The following ANKUB1 variants were observed in gnomAD, a reference collection of about 807,000 sequenced individuals.
The protein encoded by ANKUB1 is ankyrin repeat and ubiquitin domain containing 1.
In ANKUB1, 42 loss-of-function variants were observed where a neutral mutation model predicts 49.3. The observed-to-expected ratio is 0.85, with a 90% confidence interval of 0.67 to 1.10. The LOEUF (loss-of-function observed/expected upper bound fraction) is 1.10. ANKUB1 is among the 50% of genes least tolerant of loss of function. ANKUB1 has a pLI of 0.00. For missense variants in ANKUB1, 613 were observed against 642.0 expected (o/e 0.95, Z 0.49); for synonymous variants, 222 against 231.0 (o/e 0.96, Z 0.35).
Position 149,790,941 on chromosome 3 carries a change from A to G in ANKUB1, c.91-17T>C, listed in dbSNP as rs1718331418. On this transcript the variant is annotated splice_polypyrimidine_tract_variant and intron_variant, in intron 1 of 5. Transcript: ENST00000446160. Reference sequence around the variant, plus strand: ...GAAATAATCCTTAAAAATCAATAGCATATTATGAAAACAGTACATCCTTAC... The same window carrying G: ...GAAATAATCCTTAAAAATCAATAGCGTATTATGAAAACAGTACATCCTTAC... 9.7e-6 allele frequency: 15 copies of G among 1,549,190 alleles called. No homozygotes were observed. Among genetic ancestry groups the G allele is most frequent in the East Asian group, 2.4e-5 (1 of 40,890 alleles).
rs1717796212 is a variant in ANKUB1, at chr3:149,780,257, C to A, written c.433G>T (p.Asp145Tyr). The A allele has an allele frequency of 6.4e-6, 10 of 1,551,626 alleles. No individual in the cohort carries two copies. The highest frequency in any genetic ancestry group is 8.7e-6 in the Non-Finnish European group (10 of 1,146,972). The change falls in exon 3 of 6, where the codon GAC becomes TAC. Residue 145 changes from aspartate to tyrosine, a missense_variant. Transcript: ENST00000446160. ...LEMYDCNTLK[D>Y]YQTDIGTTLR... ...GCAGTACCAATATCAGTCTGGTAGT[C>A]CTTGAGGGTGTTGCAATCATACATC...
intron 2 of ANKUB1, 112 bp downstream of exon 2, chr3:149,790,669 G>A: frequency 9.2e-7 from 1 of 1,092,004 alleles, no homozygotes; most frequent in Non-Finnish European, 1.3e-6. Context: ...TGAGGAGAAG[G>A]CAAAAAGAGA....
chr3:149,777,993 GC>G, intron 3 of ANKUB1, among the ~76,000 whole-genome samples: 1 of 152,282 alleles, frequency 6.6e-6, no homozygotes, highest in Non-Finnish European at 1.5e-5. Context: ...TGGAAAAGGG[GC>G]CAAGGTTCAA....
At chr3:149,781,315 A>G (rs939577669) in intron 2 of ANKUB1, among the ~76,000 whole-genome samples, 11 of 152,236 alleles carry the variant, frequency 7.2e-5, no homozygotes, top group African/African-American at 2.7e-4. Context: ...ACCAAAACTC[A>G]AAATACAGCG....
At chr3:149,772,148 T>TC (rs917266821) in intron 3 of ANKUB1, among the ~76,000 whole-genome samples, 6 of 150,710 alleles carry the variant, frequency 4.0e-5, no homozygotes, top group Admixed American at 2.7e-4. Context: ...CCTCACCCTC[T>TC]CAAGTAGCTG....
intron 5 of ANKUB1, chr3:149,766,814 G>T (rs1717037486): frequency 1.2e-6 from 1 of 829,320 alleles, no homozygotes; most frequent in Non-Finnish European, 1.7e-6. Flanking sequence ...AAAGAAAAAA[G>T]AAAAGCAGCA....
intron 4 of ANKUB1, among the ~76,000 whole-genome samples, chr3:149,770,359 G>A (rs537650216): frequency 6.6e-6 from 1 of 152,278 alleles, no homozygotes; most frequent in South Asian, 2.1e-4. Flanking sequence ...TGAATCGCAA[G>A]ACTATCAGTC....
Position 149,761,297 on chromosome 3 carries a change from C to G in ANKUB1, c.*187G>C. On this transcript the variant is annotated 3_prime_UTR_variant, in exon 6 of 6. Coordinates refer to ENST00000446160, the MANE Select transcript of ANKUB1 (RefSeq NM_001144960.3). ...CCTCATATTCTTTATGCAAAAATAG[C>G]ACTAAAGTTTCACTTAGTGTGATGA... The G allele has an allele frequency of 3.4e-6, 2 of 589,870 alleles. No homozygotes were observed. Among genetic ancestry groups the G allele is most frequent in the Non-Finnish European group, 5.4e-6 (2 of 371,870 alleles). 36.5% of individuals were successfully genotyped at this position (589,870 alleles called of 1,614,324 possible).
In ANKUB1 at chr3:149,780,387, G is replaced by GCTCTC; in HGVS notation, c.298_302dup (p.Ser101ArgfsTer14). 6.4e-7 allele frequency: 1 copy of GCTCTC among 1,552,124 alleles called. No individual in the cohort carries two copies. The highest frequency in any genetic ancestry group is 8.7e-7 in the Non-Finnish European group (1 of 1,147,038). On this transcript the variant is annotated frameshift_variant, in exon 3 of 6. Coordinates refer to ENST00000446160, the MANE Select transcript of ANKUB1 (RefSeq NM_001144960.3). LOFTEE classifies it high-confidence loss of function. ...ACACTGTTTTATCAAGAAGGGAAAT[G>GCTCTC]CTCTCCATTACTGGCATTGTGTCTT...
chr3:149,780,286 A>G lies in ANKUB1; in HGVS notation c.404T>C (p.Leu135Pro), dbSNP rs1559868391. Residue 135 changes from leucine to proline, a missense_variant, in exon 3 of 6, where the codon CTG becomes CCG. Leu to Pro is a moderately conservative substitution (Grantham distance 98). Transcript: ENST00000446160. ...SVYCLRTPRG[L>P]EMYDCNTLKD... ...GAGGGTGTTGCAATCATACATCTCC[A>G]GGCCCCTTGGGGTTCGGAGACAGTA... The G allele has an allele frequency of 6.4e-7, 1 of 1,551,730 alleles. No homozygotes were observed.
intron 3 of ANKUB1, 77 bp from the exon 4 acceptor site, chr3:149,770,751 C>T: frequency 3.5e-6 from 3 of 849,852 alleles, no homozygotes; most frequent in Non-Finnish European, 3.6e-6. Context: ...CTAATGGTAG[C>T]TTTCCCCAAA....
intron 3 of ANKUB1, among the ~76,000 whole-genome samples, chr3:149,771,416 C>G (rs1176958914): frequency 6.6e-6 from 1 of 152,210 alleles, no homozygotes; most frequent in African/African-American, 2.4e-5. Flanking sequence ...CCTGTCCTCA[C>G]ACCAAGTCTA....
chr3:149,792,006 A>G lies in ANKUB1; in HGVS notation c.90+271T>C, dbSNP rs575470457. Among the ~76,000 whole-genome samples, 212 of 151,878 alleles carry G rather than the reference A, an allele frequency of 1.4e-3. 1 individual carries two copies. The highest frequency in any genetic ancestry group is 4.9e-3 in the African/African-American group (204 of 41,416). On this transcript the variant is annotated intron_variant, in intron 1 of 5. Transcript: ENST00000446160. ...GAATTGCAATAATATTATCTGGCCTATGCACAACCCACACATTCCCTAAAA... is the reference window on the plus strand; with the variant it reads ...GAATTGCAATAATATTATCTGGCCTGTGCACAACCCACACATTCCCTAAAA...
intron 2 of ANKUB1, among the ~76,000 whole-genome samples, chr3:149,787,756 A>G (rs1718174345): frequency 6.6e-6 from 1 of 152,222 alleles, no homozygotes; most frequent in Non-Finnish European, 1.5e-5. Flanking sequence ...TAAAGAATGT[A>G]TTTAACAGTA....
chr3:149,782,709 A>G (rs1717921810), intron 2 of ANKUB1, among the ~76,000 whole-genome samples: 1 of 151,722 alleles, frequency 6.6e-6, no homozygotes, highest in African/African-American at 2.4e-5. Context: ...GCTACATTTT[A>G]AATTCTTATT....
At chr3:149,768,223 A>G (rs751518825) in intron 4 of ANKUB1, 128 bp from the exon 5 acceptor site, 123 of 753,964 alleles carry the variant, frequency 1.6e-4, no homozygotes, top group Non-Finnish European at 2.1e-4. Flanking sequence ...ACCTTAAAAT[A>G]TTTTTAGAAA....
rs377486050 is a variant in ANKUB1, at chr3:149,767,838, T to A, written c.824A>T (p.Gln275Leu). 125 of 1,551,626 alleles carry A rather than the reference T, an allele frequency of 8.1e-5. No homozygotes were observed. The highest frequency in any genetic ancestry group is 1.1e-4 in the Non-Finnish European group (124 of 1,146,996). Residue 275 changes from glutamine (Q) to leucine (L), a missense_variant, in exon 5 of 6, where the codon CAA (glutamine) becomes CTA (leucine). Coordinates refer to ENST00000446160, the MANE Select transcript of ANKUB1 (RefSeq NM_001144960.3). ...TTTGAACACAATGGTCAGGGGAGTT[T>A]GTCCTGCTGCATTTTTGCATTCCAG... The part of the protein sequence containing the change: ...LCLECKNAAG[Q>L]TPLTIVFKHK...
intron 4 of ANKUB1, 27 bp downstream of exon 4, chr3:149,770,533 A>G (rs1717303987): frequency 1.4e-6 from 2 of 1,473,458 alleles, no homozygotes; most frequent in African/African-American, 1.4e-5. Context: ...GCACTTGCTA[A>G]GTTAATTTAA....
At chr3:149,771,008 A>G (rs1176697205) in intron 3 of ANKUB1, among the ~76,000 whole-genome samples, 1 of 152,192 alleles carries the variant, frequency 6.6e-6, no homozygotes, top group East Asian at 1.9e-4. Flanking sequence ...ATTATATTGG[A>G]AGAGGAAACT....
Sources: allele counts gnomAD v4.1 joint callset (sites outside exome capture counted in the v4.1 genomes callset), GRCh38; gene constraint gnomAD v4.1.1; transcripts MANE v1.5; gene names NCBI Gene and HGNC (gene_info 2026-07-23, HGNC 2026-07-21).